Variants in SEC16B observed in about 807,000 individuals in gnomAD.
SEC16B encodes the protein SEC16 homolog B, endoplasmic reticulum export factor.
In SEC16B, 115 loss-of-function variants were observed where a neutral mutation model predicts 141.8. That is an observed-to-expected ratio of 0.81 (90% CI 0.70 to 0.95). The LOEUF is 0.95. SEC16B is among the 40% of genes least tolerant of loss of function. SEC16B has a pLI of 0.00. For synonymous variants in SEC16B, 493 were observed against 492.5 expected (o/e 1.00, Z -0.01); for missense variants, 1,291 against 1,312.3 (o/e 0.98, Z 0.25).
intron 7 of SEC16B, 167 bp downstream of exon 7, chr1:177,960,624 C>A: frequency 2.7e-6 from 2 of 748,176 alleles, no homozygotes; most frequent in Non-Finnish European, 4.4e-6. Flanking sequence ...AAGAGCCCCA[C>A]CCATTCCTGC....
intron 20 of SEC16B, among the ~76,000 whole-genome samples, chr1:177,935,658 T>C (rs1650782225): frequency 7.2e-6 from 1 of 139,810 alleles, no homozygotes; most frequent in African/African-American, 2.8e-5. Context: ...ACCACTTCAG[T>C]CAGGAAAAAA....
rs200704896 is a variant in SEC16B, at chr1:177,964,198, G to C, written c.615C>G (p.Ser205Arg). 3.7e-6 allele frequency: 6 copies of C among 1,613,246 alleles called. No homozygotes were observed. The East Asian group carries it at 6.7e-5, about 18-fold the overall frequency. ...TATTTTTCTGGGCCTCAGCAAGCAGGCTCCCTGGAAACAGCTCCCCCGGCC... is the reference window on the plus strand; with the variant it reads ...TATTTTTCTGGGCCTCAGCAAGCAGCCTCCCTGGAAACAGCTCCCCCGGCC... ...QEWPGELFPG[S>R]LLAEAQKNKP... Residue 205 changes from serine to arginine, a missense_variant, in exon 5 of 26, where the codon AGC becomes AGG. Physicochemically the swap from Ser to Arg is moderately radical, Grantham distance 110. Coordinates refer to ENST00000308284, the MANE Select transcript of SEC16B (RefSeq NM_033127.4).
chr1:177,958,246 T>TG lies in SEC16B; in HGVS notation c.1250dup (p.Val418SerfsTer30). On this transcript the variant is annotated frameshift_variant, in exon 10 of 26. Transcript: ENST00000308284. LOFTEE classifies it high-confidence loss of function. Reference sequence around the variant, plus strand: ...GGTTCGGGGTCCCAGAGCTCAGCACTGGCCAGTCCTCATCGGTCAGGTTGA... The same window carrying TG: ...GGTTCGGGGTCCCAGAGCTCAGCACTGGGCCAGTCCTCATCGGTCAGGTTGA... 3 of 1,608,534 alleles carry TG rather than the reference T, an allele frequency of 1.9e-6. No individual in the cohort carries two copies. In the South Asian group the frequency reaches 3.4e-5, roughly 18 times the overall value.
intron 5 of SEC16B, among the ~76,000 whole-genome samples, chr1:177,963,745 AT>A (rs1653273714): frequency 6.6e-6 from 1 of 152,204 alleles, no homozygotes; most frequent in Non-Finnish European, 1.5e-5. Flanking sequence ...GAGGAAAGGG[AT>A]GAATGAAGAG....
intron 15 of SEC16B, 133 bp from the exon 16 acceptor site, chr1:177,942,173 G>T: frequency 1.1e-6 from 1 of 952,258 alleles, no homozygotes; most frequent in Non-Finnish European, 1.5e-6. Flanking sequence ...AGAGGCTTGT[G>T]CCATTTGGAG....
At chr1:177,952,654 T>A (rs777925898) in intron 11 of SEC16B, among the ~76,000 whole-genome samples, 30 of 152,148 alleles carry the variant, frequency 2.0e-4, no homozygotes, top group Non-Finnish European at 3.1e-4. Flanking sequence ...TTCACTGGGC[T>A]CCATCAAAAA....
intron 1 of SEC16B, among the ~76,000 whole-genome samples, chr1:177,976,920 GA>G (rs1448228153): frequency 5.3e-5 from 8 of 152,258 alleles, no homozygotes; most frequent in Middle Eastern, 3.4e-3. Context: ...GGGCTAAGGT[GA>G]AAACAACAAA....
intron 13 of SEC16B, among the ~76,000 whole-genome samples, chr1:177,946,882 C>T (rs1024001861): frequency 6.6e-6 from 1 of 152,216 alleles, no homozygotes; most frequent in Non-Finnish European, 1.5e-5. Flanking sequence ...AAGGAGACTA[C>T]TGAGAGTGGT....
rs768366834 is a variant in SEC16B, at chr1:177,951,969, T to A, written c.1490A>T (p.Asp497Val). Residue 497 changes from aspartate to valine, a missense_variant, in exon 12 of 26, where the codon GAC becomes GTC. Physicochemically the swap from Asp to Val is radical, Grantham distance 152. Coordinates refer to ENST00000308284, the MANE Select transcript of SEC16B (RefSeq NM_033127.4). ...SGFTSTLALN[D>V]PLQTLFQLMS... ...GAGCTGGAAGAGGGTCTGCAGTGGG[T>A]CATTGAGCGCCAGCGTGCTGGTGAA... 46 of 1,606,010 alleles carry A rather than the reference T, an allele frequency of 2.9e-5. No individual in the cohort carries two copies. The East Asian group carries it at 1.0e-3, about 36-fold the overall frequency.
At chr1:177,983,683 T>C (rs1023979483) in intron 1 of SEC16B, among the ~76,000 whole-genome samples, 1 of 152,094 alleles carries the variant, frequency 6.6e-6, no homozygotes, top group African/African-American at 2.4e-5. Flanking sequence ...TGTCATGGGG[T>C]TGGCAGGCAC....
intron 10 of SEC16B, among the ~76,000 whole-genome samples, chr1:177,955,806 C>G (rs1332618636): frequency 6.6e-6 from 1 of 152,192 alleles, no homozygotes; most frequent in African/African-American, 2.4e-5. Flanking sequence ...ATCCTTTGAC[C>G]CAACACTTCT....
At chr1:177,939,614 G>A in intron 18 of SEC16B, 88 bp downstream of exon 18, 1 of 1,162,660 alleles carries the variant, frequency 8.6e-7, no homozygotes, top group Non-Finnish European at 1.3e-6. Context: ...GGGAAGCAAA[G>A]GGCGAGTGCT....
Position 177,958,341 on chromosome 1 carries a change from C to T in SEC16B, c.1156G>A (p.Ala386Thr), listed in dbSNP as rs772191475. ...QNGSMVGSDI[A>T]ELLMQDCKKL... is the part of the protein sequence containing the mutation. ...TTGCAGTCTTGCATTAGCAGCTCAG[C>T]GATGTCAGACCCCACCATGGACTGT... Residue 386 changes from alanine (A) to threonine (T), a missense_variant, in exon 10 of 26, where the codon GCT becomes ACT. Physicochemically the swap from Ala to Thr is moderately conservative, Grantham distance 58. Coordinates refer to ENST00000308284, the MANE Select transcript of SEC16B (RefSeq NM_033127.4). 1.1e-5 allele frequency: 18 copies of T among 1,599,892 alleles called. No individual in the cohort carries two copies. The highest frequency in any genetic ancestry group is 1.4e-5 in the Non-Finnish European group (17 of 1,173,314).
intron 2 of SEC16B, 37 bp downstream of exon 2, chr1:177,967,646 A>G (rs1256616099): frequency 1.3e-6 from 2 of 1,522,338 alleles, no homozygotes; most frequent in Non-Finnish European, 1.8e-6. Flanking sequence ...ATACGCATTT[A>G]GGAGAGTTGC....
chr1:177,953,054 G>A (rs1029809898), intron 11 of SEC16B, among the ~76,000 whole-genome samples: 21 of 147,244 alleles, frequency 1.4e-4, no homozygotes, highest in Non-Finnish European at 2.4e-4. Context: ...CACCCAGGCT[G>A]GAGTGCAACG....
chr1:177,954,754 G>GA lies in SEC16B; in HGVS notation c.1366-379dup, dbSNP rs200518771. On this transcript the variant is annotated intron_variant, in intron 10 of 25. Transcript: ENST00000308284. ...GAGGAGATTTTAAGTGTTCTCATTAGAAAAAACATGATAAATATGTGAGGT... is the reference window on the plus strand; with the variant it reads ...GAGGAGATTTTAAGTGTTCTCATTAGAAAAAAACATGATAAATATGTGAGGT... Among the ~76,000 whole-genome samples the GA allele has an allele frequency of 5.8e-3, 877 of 152,158 alleles. 9 individuals carry two copies. Among genetic ancestry groups the GA allele is most frequent in the African/African-American group, 0.02 (843 of 41,510 alleles).
chr1:177,960,700 C>A (rs1400802596), intron 7 of SEC16B, 91 bp downstream of exon 7: 1 of 1,398,742 alleles, frequency 7.1e-7, no homozygotes, highest in South Asian at 1.4e-5. Flanking sequence ...TGGAGATGCC[C>A]CGGCTCAGGC....
chr1:177,978,702 A>AATAC, intron 1 of SEC16B, among the ~76,000 whole-genome samples: 1 of 82,718 alleles, frequency 1.2e-5, no homozygotes, highest in Non-Finnish European at 2.4e-5. Flanking sequence ...CCCTGTCTCA[A>AATAC]ATAAATAAAT....
intron 15 of SEC16B, among the ~76,000 whole-genome samples, chr1:177,943,979 C>T (rs1199242773): frequency 1.3e-5 from 2 of 152,196 alleles, no homozygotes; most frequent in Non-Finnish European, 2.9e-5. Flanking sequence ...GATGTCAGCA[C>T]TGGTCTTTAC....
Sources: gnomAD v4.1 joint callset for allele counts (sites outside exome capture counted in the v4.1 genomes callset) on GRCh38, gnomAD v4.1.1 for gene constraint, MANE v1.5 for transcripts, NCBI Gene and HGNC (gene_info 2026-07-23, HGNC 2026-07-21) for gene names.